EDIL3: variants seen among roughly 807,000 people sequenced by gnomAD.
EDIL3 encodes the protein EGF-like repeat and discoidin I-like domain-containing protein 3.
EDIL3 carries 37 observed loss-of-function variants against 67.4 expected under a neutral mutation model. The observed-to-expected ratio is 0.55, with a 90% CI of 0.42 to 0.72. The LOEUF (loss-of-function observed/expected upper bound fraction) is 0.72. EDIL3 is among the 30% of genes least tolerant of loss of function. The pLI, the probability that EDIL3 is intolerant of heterozygous loss-of-function variation, is 0.00. For synonymous variants in EDIL3, 195 were observed against 196.3 expected, an observed-to-expected ratio of 0.99 and a Z score of 0.05; for missense variants, 527 against 586.3, an observed-to-expected ratio of 0.90 and a Z score of 1.04.
At chr5:84,346,140 T>A (rs1034716006) in intron 1 of EDIL3, among the ~76,000 whole-genome samples, 1 of 147,564 alleles carries the variant, frequency 6.8e-6, no homozygotes, top group African/African-American at 2.5e-5. Flanking sequence ...TTTTTCTTTT[T>A]TTTTTTTTTT....
At chr5:84,369,322 T>C (rs1378692026) in intron 1 of EDIL3, among the ~76,000 whole-genome samples, 1 of 151,856 alleles carries the variant, frequency 6.6e-6, no homozygotes, top group Non-Finnish European at 1.5e-5. Context: ...AAGGGAATAG[T>C]ATACTATTTT....
intron 3 of EDIL3, among the ~76,000 whole-genome samples, chr5:84,217,000 G>A (rs1315855429): frequency 1.3e-5 from 2 of 152,136 alleles, no homozygotes; most frequent in Non-Finnish European, 2.9e-5. Flanking sequence ...GTTCAGACCT[G>A]AAGGCCCATG....
intron 1 of EDIL3, among the ~76,000 whole-genome samples, chr5:84,319,812 T>C (rs1479895271): frequency 2.0e-5 from 3 of 152,126 alleles, no homozygotes; most frequent in African/African-American, 7.2e-5. Flanking sequence ...CACAGAATAC[T>C]ATGCAGCCAT....
chr5:83,947,351 ATGTGTC>A (rs200556441), intron 10 of EDIL3, among the ~76,000 whole-genome samples: 4,024 of 145,478 alleles, frequency 0.028, 187 homozygotes, highest in African/African-American at 0.092. Context: ...GGCAGCATGT[ATGTGTC>A]TGTGTCTGTG....
At chr5:84,150,610 C>G (rs545867267) in intron 4 of EDIL3, among the ~76,000 whole-genome samples, 4 of 152,100 alleles carry the variant, frequency 2.6e-5, no homozygotes. Context: ...ACGATTACAA[C>G]AGCTAAAATT....
chr5:84,287,410 A>G (rs185259795), intron 1 of EDIL3, among the ~76,000 whole-genome samples: 18 of 152,306 alleles, frequency 1.2e-4, no homozygotes, highest in Middle Eastern at 3.4e-3. Context: ...AACAAATTGA[A>G]GAAAACAACA....
At chr5:84,296,088 C>G (rs963408370) in intron 1 of EDIL3, among the ~76,000 whole-genome samples, 3 of 152,150 alleles carry the variant, frequency 2.0e-5, no homozygotes, top group African/African-American at 7.2e-5. Context: ...TACACAAAAG[C>G]AACAAACTTT....
chr5:84,325,223 A>G (rs978079419), intron 1 of EDIL3, among the ~76,000 whole-genome samples: 1 of 151,958 alleles, frequency 6.6e-6, no homozygotes, highest in African/African-American at 2.4e-5. Context: ...TATAAATCAT[A>G]TATCTAAAAG....
intron 1 of EDIL3, among the ~76,000 whole-genome samples, chr5:84,332,414 G>A (rs1261298696): frequency 6.6e-6 from 1 of 152,126 alleles, no homozygotes; most frequent in African/African-American, 2.4e-5. Context: ...TGAATACTGC[G>A]ATGGTTGATT....
At chr5:84,116,933 G>A (rs1747675417) in intron 5 of EDIL3, among the ~76,000 whole-genome samples, 1 of 150,418 alleles carries the variant, frequency 6.6e-6, no homozygotes, top group South Asian at 2.1e-4. Flanking sequence ...ATTGAAATAT[G>A]AAAGTTGACT....
chr5:84,100,549 G>T (rs1017540991), intron 6 of EDIL3, among the ~76,000 whole-genome samples: 3 of 151,998 alleles, frequency 2.0e-5, no homozygotes, highest in Non-Finnish European at 4.4e-5. Context: ...ACAGACAGGG[G>T]AACATCACAC....
intron 4 of EDIL3, among the ~76,000 whole-genome samples, chr5:84,166,498 A>T (rs578248897): frequency 4.6e-5 from 7 of 152,308 alleles, no homozygotes; most frequent in South Asian, 4.1e-4. Flanking sequence ...TTACTTAACA[A>T]ATATTTATCA....
At chr5:84,150,094 CAA>C (rs1372011554) in intron 4 of EDIL3, among the ~76,000 whole-genome samples, 4 of 151,844 alleles carry the variant, frequency 2.6e-5, no homozygotes, top group African/African-American at 7.3e-5. Flanking sequence ...CAATAAATCC[CAA>C]GAGTAAGAAA....
rs60566790 is a variant in EDIL3 at position 84,232,932 on chromosome 5, C to T, written c.197-3048G>A. Among the ~76,000 whole-genome samples, 720 of 152,140 alleles carry T rather than the reference C, an allele frequency of 4.7e-3. 4 individuals are homozygous for T. Among genetic ancestry groups the T allele is most frequent in the African/African-American group, 0.016 (671 of 41,532 alleles). On this transcript the variant is annotated intron_variant, in intron 2 of 10. Coordinates refer to ENST00000296591, the MANE Select transcript of EDIL3 (RefSeq NM_005711.5). ...AGTTGCCTTATTAATGACATTTCTG[C>T]GAAACAAGTATCACAGAAGGTACTA...
At chr5:84,256,094 C>A (rs1187290757) in intron 1 of EDIL3, among the ~76,000 whole-genome samples, 2 of 151,048 alleles carry the variant, frequency 1.3e-5, no homozygotes, top group Non-Finnish European at 2.9e-5. Context: ...AGTAGACTTG[C>A]TATCATTTAT....
intron 5 of EDIL3, among the ~76,000 whole-genome samples, chr5:84,107,988 G>A (rs2112284870): frequency 6.6e-6 from 1 of 151,014 alleles, no homozygotes; most frequent in Non-Finnish European, 1.5e-5. Context: ...TAATTTATCA[G>A]AATTTATGAA....
chr5:84,270,821 G>A (rs2112095953), intron 1 of EDIL3, among the ~76,000 whole-genome samples: 1 of 152,288 alleles, frequency 6.6e-6, no homozygotes, highest in Non-Finnish European at 1.5e-5. Flanking sequence ...AAAGAGTGAA[G>A]TGATATCCGT....
intron 9 of EDIL3, among the ~76,000 whole-genome samples, chr5:83,979,230 TC>T (rs149224057): frequency 0.019 from 2,829 of 152,222 alleles, 34 homozygotes; most frequent in Non-Finnish European, 0.027. Flanking sequence ...CTATTTCACA[TC>T]CCAAACTTAA....
At chr5:83,958,270 T>C (rs1015059589) in intron 10 of EDIL3, among the ~76,000 whole-genome samples, 1 of 151,544 alleles carries the variant, frequency 6.6e-6, no homozygotes, top group Admixed American at 6.6e-5. Flanking sequence ...TTCCAGCTCA[T>C]CTCCAGAGAG....
Sources: gnomAD v4.1 joint callset for allele counts (sites outside exome capture counted in the v4.1 genomes callset) on GRCh38, gnomAD v4.1.1 for gene constraint, MANE v1.5 for transcripts, NCBI Gene and HGNC (gene_info 2026-07-23, HGNC 2026-07-21) for gene names.